Variants in ADARB2 observed in about 807,000 individuals in gnomAD.
The protein encoded by ADARB2 is inactive double-stranded RNA-specific editase B2.
A neutral mutation model predicts 62.2 loss-of-function variants in ADARB2; 25 were observed. The observed-to-expected ratio is 0.40, with a 90% CI of 0.29 to 0.56. The LOEUF (loss-of-function observed/expected upper bound fraction) is 0.56, where lower values mean the gene tolerates loss of function less well. ADARB2 is among the 20% of genes least tolerant of loss of function. The pLI, the probability that ADARB2 is intolerant of heterozygous loss-of-function variation, is 0.43. For synonymous variants in ADARB2, 572 were observed against 500.8 expected, an observed-to-expected ratio of 1.14 and a Z score of -1.90; for missense variants, 1,071 against 1,077.4, an observed-to-expected ratio of 0.99 and a Z score of 0.08.
intron 1 of ADARB2, among the ~76,000 whole-genome samples, chr10:1,734,233 T>G (rs1048868062): frequency 2.0e-4 from 30 of 151,998 alleles, no homozygotes; most frequent in Middle Eastern, 3.4e-3. Context: ...TTAAAGTTTA[T>G]TTGAGAGAGA....
At chr10:1,467,864 T>A (rs571699536) in intron 1 of ADARB2, among the ~76,000 whole-genome samples, 151 of 152,206 alleles carry the variant, frequency 9.9e-4, no homozygotes, top group Non-Finnish European at 1.8e-3. Flanking sequence ...GCTGTGTCCC[T>A]CTTCCTGAAA....
intron 1 of ADARB2, among the ~76,000 whole-genome samples, chr10:1,383,401 A>G (rs1235325853): frequency 2.0e-5 from 3 of 151,768 alleles, no homozygotes; most frequent in African/African-American, 7.3e-5. Context: ...TTTCTTGTTA[A>G]CATCTTGGGG....
At chr10:1,613,048 TAGTGGGCGTAACAG>T (rs1220259491) in intron 1 of ADARB2, among the ~76,000 whole-genome samples, 1 of 152,236 alleles carries the variant, frequency 6.6e-6, no homozygotes, top group African/African-American at 2.4e-5. Flanking sequence ...GAATGACTTC[TAGTGGGCGTAACAG>T]AGCTTCAGAA....
At chr10:1,441,741 T>C (rs896092940) in intron 1 of ADARB2, among the ~76,000 whole-genome samples, 1 of 152,218 alleles carries the variant, frequency 6.6e-6, no homozygotes, top group Non-Finnish European at 1.5e-5. Context: ...TGCTTAATAA[T>C]GTATAGAATC....
At position 1,206,291 on chromosome 10, in the gene ADARB2, G is replaced by T. The variant is rs1206226090; in HGVS notation, c.1683-6144C>A. ...CCTTAAGCCGGCTACCTGCGCGGGG[G>T]CCACGCTCTCCCACTGGGAGGATGG... On this transcript the variant is annotated intron_variant, in intron 7 of 9. Coordinates refer to ENST00000381312, the MANE Select transcript of ADARB2 (RefSeq NM_018702.4). Among the ~76,000 whole-genome samples the T allele has an allele frequency of 6.6e-5, 10 of 152,282 alleles. No individual in the cohort carries two copies. In the South Asian group the frequency reaches 2.1e-3, roughly 32 times the overall value.
chr10:1,734,296 G>GTTTTT lies in ADARB2; in HGVS notation c.100+2750_100+2754dup, dbSNP rs11338512. Among the ~76,000 whole-genome samples the GTTTTT allele has an allele frequency of 6.6e-3, 862 of 130,720 alleles. 27 individuals carry two copies. In the East Asian group the frequency reaches 0.11, roughly 16 times the overall value. 85.8% of individuals were successfully genotyped at this position (130,720 alleles called of 152,430 possible). The stretch of plus-strand genomic sequence containing the variant: ...GAAAGTCATATTCTGTGACGAAGGT[G>GTTTTT]TTTTTTTTTTTTTTTTTTTTAAAGA... On this transcript the variant is annotated intron_variant, in intron 1 of 9. Coordinates refer to ENST00000381312, the MANE Select transcript of ADARB2 (RefSeq NM_018702.4).
rs565497321 is a variant in ADARB2, at chr10:1,419,315, C to T, written c.101-40155G>A. Reference sequence around the variant, plus strand: ...TTCACCATGTTGATCAGGCTGGTCTCGAACTCCTGACCTCATTTTATTGAT... The same window carrying T: ...TTCACCATGTTGATCAGGCTGGTCTTGAACTCCTGACCTCATTTTATTGAT... On this transcript the variant is annotated intron_variant, in intron 1 of 9. Coordinates refer to ENST00000381312, the MANE Select transcript of ADARB2 (RefSeq NM_018702.4). Among the ~76,000 whole-genome samples the T allele has an allele frequency of 1.6e-4, 25 of 152,196 alleles. No individual in the cohort carries two copies. The South Asian group carries it at 4.8e-3, about 29-fold the overall frequency.
Position 1,551,828 on chromosome 10 carries a change from A to G in ADARB2, c.101-172668T>C, listed in dbSNP as rs371912648. Among the ~76,000 whole-genome samples the G allele has an allele frequency of 6.0e-4, 92 of 152,334 alleles. 1 individual carries two copies. The East Asian group carries it at 7.9e-3, about 13-fold the overall frequency. On this transcript the variant is annotated intron_variant, in intron 1 of 9. Coordinates refer to ENST00000381312, the MANE Select transcript of ADARB2 (RefSeq NM_018702.4). ...ATGTCTCCGGGACACAATGTACCAA[A>G]TAGACAGGTGCTCTGAGAAGTGAGG... is the stretch of plus-strand genomic sequence containing the variant.
intron 1 of ADARB2, among the ~76,000 whole-genome samples, chr10:1,457,267 G>C (rs1451075499): frequency 3.9e-5 from 6 of 152,204 alleles, no homozygotes; most frequent in Non-Finnish European, 7.3e-5. Flanking sequence ...GTGAGCATGA[G>C]GGCTGGCCAG....
chr10:1,365,262 G>T (rs1472842264), intron 2 of ADARB2, among the ~76,000 whole-genome samples: 1 of 152,002 alleles, frequency 6.6e-6, no homozygotes, highest in Non-Finnish European at 1.5e-5. Flanking sequence ...TGTTACTATG[G>T]TGATTGTCTT....
chr10:1,530,347 C>T (rs1440739962), intron 1 of ADARB2, among the ~76,000 whole-genome samples: 1 of 152,256 alleles, frequency 6.6e-6, no homozygotes, highest in African/African-American at 2.4e-5. Context: ...AACATTCCCT[C>T]CTCCTGAAAC....
chr10:1,300,298 C>T (rs11598727), intron 3 of ADARB2, among the ~76,000 whole-genome samples: 66,665 of 152,022 alleles, frequency 0.44, 16,216 homozygotes, highest in East Asian at 0.68. Flanking sequence ...AGGCTGCCCT[C>T]GCAGCAGGGA....
chr10:1,244,000 C>T lies in ADARB2; in HGVS notation c.1193-1701G>A, dbSNP rs572140088. 3.9e-5 allele frequency among the ~76,000 whole-genome samples: 6 copies of T among 152,384 alleles called. No homozygotes were observed. The East Asian group carries it at 1.2e-3, about 29-fold the overall frequency. ...GACACGACCAGCCGCCCTGAGGTTC[C>T]TCCCCCAGGAAAGCTCGTGAGCAGC... On this transcript the variant is annotated intron_variant, in intron 4 of 9. Coordinates refer to ENST00000381312, the MANE Select transcript of ADARB2 (RefSeq NM_018702.4).
At chr10:1,577,193 A>G (rs1230693737) in intron 1 of ADARB2, among the ~76,000 whole-genome samples, 1 of 151,082 alleles carries the variant, frequency 6.6e-6, no homozygotes. Flanking sequence ...TGATACCCTC[A>G]TGCACACAGG....
intron 3 of ADARB2, among the ~76,000 whole-genome samples, chr10:1,317,888 T>C (rs902308050): frequency 1.3e-5 from 2 of 152,252 alleles, no homozygotes; most frequent in African/African-American, 4.8e-5. Flanking sequence ...TTGAGCTTGG[T>C]ACCCATCCCG....
At chr10:1,504,254 G>A (rs968540785) in intron 1 of ADARB2, among the ~76,000 whole-genome samples, 7 of 152,198 alleles carry the variant, frequency 4.6e-5, no homozygotes, top group African/African-American at 1.4e-4. Flanking sequence ...CACTGTGAGC[G>A]GGCATGCTCT....
chr10:1,734,412 A>T (rs1835275073), intron 1 of ADARB2, among the ~76,000 whole-genome samples: 1 of 152,026 alleles, frequency 6.6e-6, no homozygotes. Flanking sequence ...TACTTAATGA[A>T]AGTATTGTGT....
chr10:1,475,391 C>T (rs1006949426), intron 1 of ADARB2, among the ~76,000 whole-genome samples: 5 of 152,198 alleles, frequency 3.3e-5, no homozygotes, highest in African/African-American at 1.2e-4. Context: ...AGGCAGGGGC[C>T]TTCACTCTCT....
rs369690859 is a variant in ADARB2 at position 1,530,156 on chromosome 10, G to T, written c.101-150996C>A. On this transcript the variant is annotated intron_variant, in intron 1 of 9. Transcript: ENST00000381312. Reference sequence around the variant, plus strand: ...ACCTTGGGCACCCGTCCACTGCCTCGTGCCTTTCTCCTCTGCTCACCTGTT... The same window carrying T: ...ACCTTGGGCACCCGTCCACTGCCTCTTGCCTTTCTCCTCTGCTCACCTGTT... Among the ~76,000 whole-genome samples the T allele has an allele frequency of 1.2e-3, 180 of 152,326 alleles. 1 individual carries two copies. Among genetic ancestry groups the T allele is most frequent in the Middle Eastern group, 3.4e-3 (1 of 294 alleles).
Sources: gnomAD v4.1 joint callset for allele counts (sites outside exome capture counted in the v4.1 genomes callset) on GRCh38, gnomAD v4.1.1 for gene constraint, MANE v1.5 for transcripts, NCBI Gene and HGNC (gene_info 2026-07-23, HGNC 2026-07-21) for gene names.